Variants in PTPRD observed in about 807,000 individuals in gnomAD.
The protein encoded by PTPRD is receptor-type tyrosine-protein phosphatase delta.
In PTPRD, 34 loss-of-function variants were observed where a neutral mutation model predicts 214.5. The ratio of observed to expected loss-of-function variants is 0.16; its 90% confidence interval spans 0.12 to 0.21. PTPRD has a LOEUF of 0.21. PTPRD is among the 10% of genes least tolerant of loss of function. PTPRD has a pLI of 1.00. For missense variants in PTPRD, 2,545 were observed against 2,398.7 expected, an observed-to-expected ratio of 1.06 and a Z score of -1.27; for synonymous variants, 1,128 against 845.7, an observed-to-expected ratio of 1.33 and a Z score of -5.79.
At chr9:9,936,491 CCAT>C (rs2089468124) in intron 5 of PTPRD, among the ~76,000 whole-genome samples, 1 of 149,446 alleles carries the variant, frequency 6.7e-6, no homozygotes, top group Admixed American at 6.6e-5. Flanking sequence ...CCATCACTGG[CCAT>C]CAGAGAAATG....
intron 10 of PTPRD, among the ~76,000 whole-genome samples, chr9:9,066,735 G>T (rs532432233): frequency 6.6e-6 from 1 of 152,246 alleles, no homozygotes; most frequent in Admixed American, 6.5e-5. Flanking sequence ...AAATGATACA[G>T]CCATAAGCCC....
chr9:9,067,993 G>A (rs919739521), intron 10 of PTPRD, among the ~76,000 whole-genome samples: 2 of 151,818 alleles, frequency 1.3e-5, no homozygotes, highest in African/African-American at 2.4e-5. Flanking sequence ...CACCTCTCCC[G>A]GCTACCAGTT....
intron 5 of PTPRD, among the ~76,000 whole-genome samples, chr9:9,844,292 G>A (rs2058986136): frequency 6.6e-6 from 1 of 151,828 alleles, no homozygotes; most frequent in Non-Finnish European, 1.5e-5. Flanking sequence ...CACCCATGCT[G>A]TACATTAGAT....
At chr9:10,001,161 G>A (rs766539598) in intron 4 of PTPRD, among the ~76,000 whole-genome samples, 7 of 151,934 alleles carry the variant, frequency 4.6e-5, no homozygotes, top group Non-Finnish European at 1.0e-4. Context: ...ATTGGCGTGA[G>A]ACCAATGACC....
At chr9:8,400,668 A>C (rs1483643757) in intron 36 of PTPRD, among the ~76,000 whole-genome samples, 3 of 152,198 alleles carry the variant, frequency 2.0e-5, no homozygotes, top group Non-Finnish European at 4.4e-5. Context: ...GGGAAAGTGG[A>C]AGACCCAGAC....
chr9:8,768,664 G>A (rs1261689391), intron 11 of PTPRD, among the ~76,000 whole-genome samples: 2 of 152,114 alleles, frequency 1.3e-5, no homozygotes, highest in Admixed American at 6.6e-5. Context: ...AGACACTACA[G>A]AAGACTACTG....
intron 10 of PTPRD, among the ~76,000 whole-genome samples, chr9:9,129,426 C>T (rs911857995): frequency 4.6e-5 from 7 of 152,044 alleles, no homozygotes; most frequent in South Asian, 2.1e-4. Context: ...ATATTCGATT[C>T]GTGTAACTCA....
At chr9:8,384,510 T>G (rs1201096394) in intron 37 of PTPRD, among the ~76,000 whole-genome samples, 1 of 152,114 alleles carries the variant, frequency 6.6e-6, no homozygotes, top group Non-Finnish European at 1.5e-5. Context: ...CTTCAAAATC[T>G]CCAGCTTCTA....
intron 11 of PTPRD, among the ~76,000 whole-genome samples, chr9:8,849,910 A>G (rs2097779187): frequency 6.6e-6 from 1 of 152,196 alleles, no homozygotes; most frequent in Non-Finnish European, 1.5e-5. Context: ...ATGAGAAAAC[A>G]CAAAAACCAC....
chr9:10,136,281 T>C (rs2098942919), intron 3 of PTPRD, among the ~76,000 whole-genome samples: 1 of 152,058 alleles, frequency 6.6e-6, no homozygotes, highest in Admixed American at 6.6e-5. Context: ...TGCACAAGAA[T>C]AGTGGGGGAC....
chr9:8,713,759 T>C (rs2154407537), intron 12 of PTPRD: 4 of 1,530,364 alleles, frequency 2.6e-6, no homozygotes, highest in Non-Finnish European at 3.5e-6. Context: ...GACTGCAAGA[T>C]CAAGTTCCCG....
At chr9:8,932,753 G>C (rs1381052297) in intron 11 of PTPRD, among the ~76,000 whole-genome samples, 2 of 152,194 alleles carry the variant, frequency 1.3e-5, no homozygotes, top group Non-Finnish European at 2.9e-5. Context: ...GTTGACTTCA[G>C]ACTGCTGTGC....
chr9:9,061,076 A>G (rs1255665646), intron 10 of PTPRD, among the ~76,000 whole-genome samples: 1 of 152,180 alleles, frequency 6.6e-6, no homozygotes, highest in Non-Finnish European at 1.5e-5. Flanking sequence ...AGCCTTTAGG[A>G]CAGCGGTTAC....
chr9:9,066,932 A>T (rs1346152800), intron 10 of PTPRD, among the ~76,000 whole-genome samples: 1 of 152,240 alleles, frequency 6.6e-6, no homozygotes, highest in Non-Finnish European at 1.5e-5. Context: ...CAAAAGGATT[A>T]TGTGGTAATC....
intron 11 of PTPRD, among the ~76,000 whole-genome samples, chr9:8,831,678 CACAT>C (rs1566445834): frequency 2.0e-5 from 3 of 152,138 alleles, no homozygotes; most frequent in Admixed American, 6.5e-5. Flanking sequence ...AAAAAGAACT[CACAT>C]ACAATCTGTC....
chr9:10,171,833 T>C (rs2099209509), intron 3 of PTPRD, among the ~76,000 whole-genome samples: 1 of 152,108 alleles, frequency 6.6e-6, no homozygotes, highest in African/African-American at 2.4e-5. Context: ...TGGTATATCT[T>C]TATTAGCAGT....
At chr9:9,002,416 C>A (rs1463217264) in intron 11 of PTPRD, among the ~76,000 whole-genome samples, 1 of 151,962 alleles carries the variant, frequency 6.6e-6, no homozygotes, top group Non-Finnish European at 1.5e-5. Context: ...CAAAATTCAA[C>A]AGACGGATAC....
intron 14 of PTPRD, among the ~76,000 whole-genome samples, chr9:8,554,817 C>A (rs776481543): frequency 4.6e-5 from 7 of 152,236 alleles, no homozygotes; most frequent in Non-Finnish European, 1.0e-4. Flanking sequence ...GCAAACCCCA[C>A]AAAACACTAA....
At position 9,989,247 on chromosome 9, in the gene PTPRD, C is replaced by G. The variant is rs138705044; in HGVS notation, c.-472+44471G>C. Among the ~76,000 whole-genome samples the G allele has an allele frequency of 8.3e-3, 1,267 of 152,180 alleles. 10 individuals are homozygous for G. The highest frequency in any genetic ancestry group is 0.028 in the African/African-American group (1,174 of 41,524). ...TGGGTCCCTGGCGAGGGTCCATCCT[C>G]AAGTCTGGACCCACGGCCTTAAATG... On this transcript the variant is annotated intron_variant, in intron 4 of 45. Coordinates refer to ENST00000381196, the MANE Select transcript of PTPRD (RefSeq NM_002839.4).
Sources: gnomAD v4.1 joint callset for allele counts (sites outside exome capture counted in the v4.1 genomes callset) on GRCh38, gnomAD v4.1.1 for gene constraint, MANE v1.5 for transcripts, NCBI Gene and HGNC (gene_info 2026-07-23, HGNC 2026-07-21) for gene names.